The following DNAH5 variants were observed in gnomAD, a reference collection of about 807,000 sequenced individuals.
The protein encoded by DNAH5 is dynein axonemal heavy chain 5.
In DNAH5, 372 loss-of-function variants were observed where a neutral mutation model predicts 518.2. The ratio of observed to expected loss-of-function variants is 0.72; its 90% CI spans 0.66 to 0.78. The LOEUF (loss-of-function observed/expected upper bound fraction) is 0.78, where lower values mean the gene tolerates loss of function less well. DNAH5 is among the 30% of genes least tolerant of loss of function. DNAH5 has a pLI of 0.00. For missense variants in DNAH5, 5,523 were observed against 5,687.0 expected, an observed-to-expected ratio of 0.97 and a Z score of 0.93; for synonymous variants, 2,039 against 2,025.9, an observed-to-expected ratio of 1.01 and a Z score of -0.17.
At chr5:13,773,886 G>A (rs1753697697) in intron 55 of DNAH5, among the ~76,000 whole-genome samples, 1 of 151,334 alleles carries the variant, frequency 6.6e-6, no homozygotes, top group Non-Finnish European at 1.5e-5. Flanking sequence ...GGAGAAATAG[G>A]AGGAGGAGAG....
chr5:13,725,193 G>A (rs1032552629), intron 70 of DNAH5, among the ~76,000 whole-genome samples: 4 of 152,224 alleles, frequency 2.6e-5, no homozygotes, highest in African/African-American at 9.6e-5. Context: ...TTTATGACTT[G>A]CAGGGTGACA....
Position 13,792,212 on chromosome 5 carries a change from T to C in DNAH5, c.8230A>G (p.Ile2744Val). The C allele has an allele frequency of 6.2e-7, 1 of 1,613,348 alleles. No homozygotes were observed. Residue 2744 changes from isoleucine to valine, a missense_variant, in exon 50 of 79, where the codon ATT (isoleucine) becomes GTT (valine). Ile to Val is a conservative substitution (Grantham distance 29). This residue lies in a region of DNAH5 where 5,121 missense variants were observed against 5,223.3 expected (regional missense o/e 0.98). Transcript: ENST00000265104. ...EASVDKIFGV[I>V]GVGHYCTQRG... ...TGAGTACAGTAGTGGCCTACCCCAA[T>C]CACACCTGAAAAGGGGGAAATTACA...
At chr5:13,786,906 C>A (rs916732106) in intron 51 of DNAH5, among the ~76,000 whole-genome samples, 1 of 152,010 alleles carries the variant, frequency 6.6e-6, no homozygotes, top group African/African-American at 2.4e-5. Context: ...GTATTAAAAT[C>A]AATATACTTT....
chr5:13,818,807 CAG>C (rs1256188138), intron 41 of DNAH5, among the ~76,000 whole-genome samples: 1 of 152,172 alleles, frequency 6.6e-6, no homozygotes, highest in African/African-American at 2.4e-5. Context: ...TATGCTGAAT[CAG>C]GGGACAAATA....
At chr5:13,839,562 T>C (rs1329984243) in intron 34 of DNAH5, 34 bp from the exon 35 acceptor site, 3 of 1,548,072 alleles carry the variant, frequency 1.9e-6, no homozygotes, top group Non-Finnish European at 2.7e-6. Context: ...AGAGCTCTGA[T>C]GAGAATCACT....
upstream of DNAH5, among the ~76,000 whole-genome samples, chr5:13,947,830 G>T (rs1300125782): frequency 6.6e-6 from 1 of 152,226 alleles, no homozygotes; most frequent in Admixed American, 6.5e-5. Context: ...AATGGCAAAT[G>T]AGTTCAGTGG....
At chr5:13,989,482 C>CTTTTTT (rs34462296) in intron 1 of DNAH5, among the ~76,000 whole-genome samples, 1 of 128,820 alleles carries the variant, frequency 7.8e-6, no homozygotes. Flanking sequence ...TAGAGGGAGA[C>CTTTTTT]TTTTTTTTTT....
At chr5:13,845,080 G>A in intron 31 of DNAH5, 87 bp from the exon 32 acceptor site, 2 of 1,304,794 alleles carry the variant, frequency 1.5e-6, no homozygotes, top group East Asian at 2.4e-5. Context: ...GAAAAGGGGA[G>A]AAGATTGTGT....
intron 53 of DNAH5, among the ~76,000 whole-genome samples, chr5:13,778,596 AAGAGAGAG>A (rs199841746): frequency 9.8e-6 from 1 of 102,150 alleles, no homozygotes; most frequent in African/African-American, 3.7e-5. Context: ...GAAAGAAAGA[AAGAGAGAG>A]AGAAAGAAAA....
Position 13,900,233 on chromosome 5 carries a change from T to A in DNAH5, c.2232A>T (p.Arg744Ser), listed in dbSNP as rs1774419906. The change falls in exon 15 of 79, where the codon AGA becomes AGT. Residue 744 changes from arginine to serine, a missense_variant. Physicochemically the swap from Arg to Ser is moderately radical, Grantham distance 110. Coordinates refer to ENST00000265104, the MANE Select transcript of DNAH5 (RefSeq NM_001369.3). ...TCATGTTACTGAAGTTCCTTTTGTATCTATCTCGTTTCTGGAAGAGGGAAG... is the reference window on the plus strand; with the variant it reads ...TCATGTTACTGAAGTTCCTTTTGTAACTATCTCGTTTCTGGAAGAGGGAAG... ...LATSLFQKRD[R>S]YKRNFSNMKM... 2 of 1,614,106 alleles carry A rather than the reference T, an allele frequency of 1.2e-6. No individual in the cohort carries two copies. Among genetic ancestry groups the A allele is most frequent in the Non-Finnish European group, 1.7e-6 (2 of 1,179,934 alleles).
chr5:13,860,515 G>A (rs193000504), intron 29 of DNAH5: 496 of 152,280 alleles, frequency 3.3e-3, no homozygotes, highest in Non-Finnish European at 6.0e-3. Context: ...CAGTGTATCT[G>A]GTACGTTGCA....
intron 1 of DNAH5, among the ~76,000 whole-genome samples, chr5:13,983,605 C>A (rs1181081558): frequency 6.6e-6 from 1 of 152,170 alleles, no homozygotes; most frequent in African/African-American, 2.4e-5. Flanking sequence ...ACCTCTAGGA[C>A]CGTCTGAAAG....
intron 1 of DNAH5, among the ~76,000 whole-genome samples, chr5:13,958,257 T>A (rs2152043309): frequency 6.6e-6 from 1 of 152,270 alleles, no homozygotes; most frequent in South Asian, 2.1e-4. Flanking sequence ...TTATACTCTT[T>A]GATTTCCATG....
intron 52 of DNAH5, among the ~76,000 whole-genome samples, chr5:13,782,762 A>G (rs1189935132): frequency 6.6e-6 from 1 of 152,222 alleles, no homozygotes; most frequent in African/African-American, 2.4e-5. Flanking sequence ...CCCTCAAAAC[A>G]TATCTGACAA....
chr5:13,721,260 A>G lies in DNAH5; in HGVS notation c.12034-15T>C. ...TACTTGCGGGCCTGCCAAAAACAGT[A>G]TACAAGTCAGTAAAAGTCATTCCAA... On this transcript the variant is annotated splice_polypyrimidine_tract_variant and intron_variant, in intron 70 of 78. Coordinates refer to ENST00000265104, the MANE Select transcript of DNAH5 (RefSeq NM_001369.3). 1.2e-6 allele frequency: 2 copies of G among 1,614,046 alleles called. No individual in the cohort carries two copies. Among genetic ancestry groups the G allele is most frequent in the Non-Finnish European group, 1.7e-6 (2 of 1,179,938 alleles).
At chr5:13,931,358 A>G in intron 1 of DNAH5, 114 bp from the exon 2 acceptor site, 1 of 1,254,520 alleles carries the variant, frequency 8.0e-7, no homozygotes, top group Admixed American at 1.8e-5. Flanking sequence ...CAGATAATAG[A>G]CAGCTTAATG....
rs1747212770 is a variant in DNAH5, at chr5:13,735,241, G to C, written c.11651C>G (p.Ala3884Gly). 6.2e-7 allele frequency: 1 copy of C among 1,613,938 alleles called. No homozygotes were observed. The highest frequency in any genetic ancestry group is 8.5e-7 in the Non-Finnish European group (1 of 1,179,994). ...HMTYEVYKYA[A>G]RGLYEEHKFL... Reference sequence around the variant, plus strand: ...TTTGTGCTCCTCGTACAGCCCTCGGGCAGCATACTTATAAACCTCGTAGGT... The same window carrying C: ...TTTGTGCTCCTCGTACAGCCCTCGGCCAGCATACTTATAAACCTCGTAGGT... Residue 3884 changes from alanine (A) to glycine (G), a missense_variant, in exon 68 of 79, where the codon GCC becomes GGC. Physicochemically the swap from Ala to Gly is moderately conservative, Grantham distance 60. Around this residue, in one of 3 missense-constraint regions of DNAH5, gnomAD observed 5,121 missense variants for 5,223.3 expected, o/e 0.98. Transcript: ENST00000265104.
chr5:13,798,754 T>TTATG (rs1758253148), intron 47 of DNAH5, among the ~76,000 whole-genome samples: 1 of 139,996 alleles, frequency 7.1e-6, no homozygotes, highest in South Asian at 2.1e-4. Context: ...ATTTATTTAT[T>TTATG]TATTTATTTA....
chr5:13,893,574 AGAATCCATAAATC>A (rs1773539549), intron 16 of DNAH5, among the ~76,000 whole-genome samples: 1 of 152,306 alleles, frequency 6.6e-6, no homozygotes, highest in East Asian at 1.9e-4. Context: ...CCTTCTTCAC[AGAATCCATAAATC>A]TATACAATTA....
Sources: gnomAD v4.1 joint callset for allele counts (sites outside exome capture counted in the v4.1 genomes callset) on GRCh38, gnomAD v4.1.1 for gene constraint, gnomAD v4.1.1 regional missense constraint, MANE v1.5 for transcripts, NCBI Gene and HGNC (gene_info 2026-07-23, HGNC 2026-07-21) for gene names.